Variants in FBXL17 observed in about 807,000 individuals in gnomAD.
FBXL17 encodes the protein F-box and leucine rich repeat protein 17, also known as F-box/LRR-repeat protein 17.
Under a neutral mutation model 66.2 loss-of-function variants are expected in FBXL17, and 22 were observed. The ratio of observed to expected loss-of-function variants is 0.33; its 90% CI spans 0.24 to 0.47. The LOEUF (loss-of-function observed/expected upper bound fraction) is 0.47, where lower values mean the gene tolerates loss of function less well. Ranked by LOEUF, FBXL17 falls within the 20% of genes least tolerant of loss-of-function variation. The pLI is 1.00. For synonymous variants in FBXL17, 474 were observed against 400.5 expected, an observed-to-expected ratio of 1.18 and a Z score of -2.19; for missense variants, 878 against 948.2, an observed-to-expected ratio of 0.93 and a Z score of 0.97.
chr5:108,201,249 A>G (rs2150049125), intron 5 of FBXL17, among the ~76,000 whole-genome samples: 1 of 152,300 alleles, frequency 6.6e-6, no homozygotes, highest in Non-Finnish European at 1.5e-5. Context: ...ACAAAATTGC[A>G]AAGAAAAAGA....
At chr5:108,173,425 A>AC (rs1752680564) in intron 6 of FBXL17, among the ~76,000 whole-genome samples, 1 of 152,108 alleles carries the variant, frequency 6.6e-6, no homozygotes, top group African/African-American at 2.4e-5. Flanking sequence ...AAAGAAAATA[A>AC]TCCCTAGAGA....
intron 6 of FBXL17, among the ~76,000 whole-genome samples, chr5:108,123,319 C>G (rs970608274): frequency 2.6e-5 from 4 of 151,858 alleles, no homozygotes; most frequent in Non-Finnish European, 5.9e-5. Flanking sequence ...TTTTCTTTGC[C>G]CCCAACACAG....
intron 6 of FBXL17, among the ~76,000 whole-genome samples, chr5:108,116,928 T>TA (rs933580753): frequency 6.6e-5 from 10 of 151,290 alleles, no homozygotes; most frequent in Non-Finnish European, 7.4e-5. Flanking sequence ...GAGAATACAT[T>TA]AAAAAAAAAT....
At chr5:108,047,613 G>A (rs1201134243) in intron 6 of FBXL17, among the ~76,000 whole-genome samples, 1 of 152,170 alleles carries the variant, frequency 6.6e-6, no homozygotes, top group Non-Finnish European at 1.5e-5. Flanking sequence ...CTGGAGCCAG[G>A]GAGGCTGGAT....
chr5:108,380,432 G>T (rs148636130), intron 1 of FBXL17, among the ~76,000 whole-genome samples: 134 of 152,248 alleles, frequency 8.8e-4, no homozygotes, highest in African/African-American at 3.0e-3. Flanking sequence ...AAACCACTGG[G>T]TTGGGATTCT....
intron 6 of FBXL17, among the ~76,000 whole-genome samples, chr5:108,166,391 T>C (rs1752417197): frequency 6.6e-6 from 1 of 152,198 alleles, no homozygotes; most frequent in African/African-American, 2.4e-5. Flanking sequence ...GCAAAACACA[T>C]GCTCCAGGGA....
In FBXL17 at chr5:108,017,602, C is replaced by G. The variant is rs111712088; in HGVS notation, c.1822+3323G>C. Among the ~76,000 whole-genome samples, 9 of 152,274 alleles carry G rather than the reference C, an allele frequency of 5.9e-5. 2 individuals carry two copies. The highest frequency in any genetic ancestry group is 2.2e-4 in the African/African-American group (9 of 41,572). ...CAAAACTAGGAAGTTAAGTAACTTG[C>G]TTTAGGTCACAAAGAAAATAAGTGG... On this transcript the variant is annotated intron_variant, in intron 7 of 8. Coordinates refer to ENST00000542267, the MANE Select transcript of FBXL17 (RefSeq NM_001163315.3).
chr5:108,019,176 A>G (rs1055573176), intron 7 of FBXL17, among the ~76,000 whole-genome samples: 8 of 152,158 alleles, frequency 5.3e-5, no homozygotes, highest in Non-Finnish European at 1.2e-4. Flanking sequence ...ATACAGAAGC[A>G]TGAAGTCAGA....
intron 7 of FBXL17, among the ~76,000 whole-genome samples, chr5:108,009,282 T>C (rs377466475): frequency 1.8e-5 from 1 of 54,796 alleles, no homozygotes; most frequent in Non-Finnish European, 3.0e-5. Context: ...TATATATATA[T>C]ATATATATAT....
rs995491500 is a variant in FBXL17, at chr5:108,381,755, G to A, written c.-64C>T. 46 of 1,376,434 alleles carry A rather than the reference G, an allele frequency of 3.3e-5. 1 individual carries two copies. The Admixed American group carries it at 1.6e-3, about 46-fold the overall frequency. The allele number at this position is 1,376,434 out of a possible 1,614,324, so 85.3% of individuals were successfully genotyped here. On this transcript the variant is annotated 5_prime_UTR_variant, in exon 1 of 9. Transcript: ENST00000542267. ...GGGAGACCCAGAGAGGCGGGCTCCC[G>A]GCAGCGGGGCAGGCCGCTCGCTGGC...
intron 7 of FBXL17, among the ~76,000 whole-genome samples, chr5:108,008,856 C>A (rs1187273413): frequency 6.6e-6 from 1 of 151,862 alleles, no homozygotes; most frequent in Non-Finnish European, 1.5e-5. Context: ...GGGATTGGAT[C>A]CTATTAGGAT....
chr5:108,174,616 G>A (rs1436179778), intron 6 of FBXL17, among the ~76,000 whole-genome samples: 1 of 151,904 alleles, frequency 6.6e-6, no homozygotes, highest in Non-Finnish European at 1.5e-5. Context: ...AGTGTGTTTA[G>A]GTTCATAGTA....
intron 4 of FBXL17, among the ~76,000 whole-genome samples, chr5:108,345,127 G>T (rs1410229911): frequency 3.9e-5 from 6 of 152,092 alleles, no homozygotes; most frequent in Admixed American, 3.9e-4. Context: ...GAGGTCAGGA[G>T]TTCGAGACCA....
intron 7 of FBXL17, among the ~76,000 whole-genome samples, chr5:107,918,143 A>G (rs1750195330): frequency 1.3e-5 from 2 of 152,170 alleles, no homozygotes; most frequent in Admixed American, 1.3e-4. Flanking sequence ...TCAGGAATGC[A>G]GGCAGCTCCC....
chr5:108,232,131 T>C (rs967939398), intron 4 of FBXL17, among the ~76,000 whole-genome samples: 1 of 152,230 alleles, frequency 6.6e-6, no homozygotes, highest in African/African-American at 2.4e-5. Flanking sequence ...GTTAAAAACA[T>C]GTTTGTGAAT....
intron 7 of FBXL17, among the ~76,000 whole-genome samples, chr5:107,905,944 G>A (rs1749740712): frequency 6.6e-6 from 1 of 152,094 alleles, no homozygotes; most frequent in Admixed American, 6.6e-5. Context: ...ATGAAGTATG[G>A]GACTGTAGTC....
intron 7 of FBXL17, among the ~76,000 whole-genome samples, chr5:107,928,472 T>TAC (rs1288053635): frequency 6.6e-6 from 1 of 151,992 alleles, no homozygotes; most frequent in Non-Finnish European, 1.5e-5. Context: ...ACTCCCTAGT[T>TAC]ACTCTTTTTG....
At chr5:107,985,445 G>A (rs1160428690) in intron 7 of FBXL17, among the ~76,000 whole-genome samples, 1 of 152,102 alleles carries the variant, frequency 6.6e-6, no homozygotes, top group Non-Finnish European at 1.5e-5. Context: ...GGATTACCTT[G>A]GAGAACATTC....
chr5:108,071,885 A>G (rs985197006), intron 6 of FBXL17, among the ~76,000 whole-genome samples: 1 of 152,116 alleles, frequency 6.6e-6, no homozygotes, highest in African/African-American at 2.4e-5. Context: ...TCTTAAATCA[A>G]AGGCCTAGCA....
Sources: gnomAD v4.1 joint callset for allele counts (sites outside exome capture counted in the v4.1 genomes callset) on GRCh38, gnomAD v4.1.1 for gene constraint, MANE v1.5 for transcripts, NCBI Gene and HGNC (gene_info 2026-07-23, HGNC 2026-07-21) for gene names.